Variants in SGCZ observed in about 807,000 individuals in gnomAD.
The protein encoded by SGCZ is sarcoglycan zeta.
SGCZ carries 40 observed loss-of-function variants against 41.3 expected under a neutral mutation model. The ratio of observed to expected loss-of-function variants is 0.97; its 90% CI spans 0.75 to 1.26. SGCZ has a LOEUF of 1.26. SGCZ is among the 50% of genes most tolerant of loss of function. The pLI is 0.00. For synonymous variants in SGCZ, 206 were observed against 137.5 expected, an observed-to-expected ratio of 1.50 and a Z score of -3.49; for missense variants, 552 against 369.8, an observed-to-expected ratio of 1.49 and a Z score of -4.04.
At chr8:14,488,455 G>T (rs1268777844) in intron 2 of SGCZ, among the ~76,000 whole-genome samples, 1 of 152,050 alleles carries the variant, frequency 6.6e-6, no homozygotes, top group African/African-American at 2.4e-5. Context: ...CCCTTCGCTT[G>T]TGCTTCCTAA....
chr8:14,251,308 G>C (rs762179828), intron 3 of SGCZ, among the ~76,000 whole-genome samples: 1 of 152,102 alleles, frequency 6.6e-6, no homozygotes, highest in Non-Finnish European at 1.5e-5. Context: ...TTTTCTCTCA[G>C]GGATAATTAA....
chr8:14,856,781 G>C (rs895609287), intron 1 of SGCZ, among the ~76,000 whole-genome samples: 3 of 152,160 alleles, frequency 2.0e-5, no homozygotes, highest in African/African-American at 7.2e-5. Context: ...GGTTTACGCA[G>C]ACAGTCAACA....
chr8:15,236,553 A>G (rs1253761602), intron 1 of SGCZ, among the ~76,000 whole-genome samples: 2 of 152,158 alleles, frequency 1.3e-5, no homozygotes, highest in African/African-American at 2.4e-5. Flanking sequence ...GATTTCAATA[A>G]AAGAGGTGCT....
intron 2 of SGCZ, among the ~76,000 whole-genome samples, chr8:14,352,864 C>T (rs1192838129): frequency 6.6e-6 from 1 of 152,042 alleles, no homozygotes; most frequent in African/African-American, 2.4e-5. Flanking sequence ...CCTAAACAGC[C>T]TTAATTTTAA....
At chr8:14,970,413 T>G (rs1207715524) in intron 1 of SGCZ, among the ~76,000 whole-genome samples, 2 of 152,128 alleles carry the variant, frequency 1.3e-5, no homozygotes, top group African/African-American at 4.8e-5. Context: ...GGCACAGAAG[T>G]TTTTTTCCTT....
At chr8:14,796,673 G>C (rs1265904256) in intron 1 of SGCZ, among the ~76,000 whole-genome samples, 1 of 152,140 alleles carries the variant, frequency 6.6e-6, no homozygotes, top group East Asian at 1.9e-4. Flanking sequence ...AAGACTCTTA[G>C]TAAACATCAA....
chr8:15,137,324 C>G (rs888687221), intron 1 of SGCZ, among the ~76,000 whole-genome samples: 1 of 152,102 alleles, frequency 6.6e-6, no homozygotes, highest in East Asian at 1.9e-4. Flanking sequence ...AAATTTGCAG[C>G]CTGACAATGC....
At chr8:14,157,333 C>T (rs1452809361) in intron 5 of SGCZ, among the ~76,000 whole-genome samples, 2 of 106,742 alleles carry the variant, frequency 1.9e-5, no homozygotes, top group Non-Finnish European at 2.0e-5. Context: ...CATATATATG[C>T]CTCTGTGTGT....
At chr8:14,900,740 A>C (rs1474520088) in intron 1 of SGCZ, among the ~76,000 whole-genome samples, 1 of 152,188 alleles carries the variant, frequency 6.6e-6, no homozygotes, top group Admixed American at 6.5e-5. Flanking sequence ...TTATTATTGA[A>C]GTCAGATAAA....
At chr8:15,076,404 T>C (rs73665381) in intron 1 of SGCZ, among the ~76,000 whole-genome samples, 6,061 of 152,144 alleles carry the variant, frequency 0.04, 381 homozygotes, top group African/African-American at 0.13. Context: ...AAAACTGTGA[T>C]TGCAGAAAGA....
chr8:15,049,513 T>G (rs1223603531), intron 1 of SGCZ, among the ~76,000 whole-genome samples: 4 of 152,126 alleles, frequency 2.6e-5, no homozygotes, highest in Non-Finnish European at 5.9e-5. Flanking sequence ...TCTACATTTT[T>G]AAAAGATTGC....
chr8:14,667,956 G>T (rs1563190138), intron 1 of SGCZ, among the ~76,000 whole-genome samples: 2 of 151,914 alleles, frequency 1.3e-5, no homozygotes, highest in Admixed American at 6.6e-5. Context: ...AGCAACCTGG[G>T]TTATTTATTT....
chr8:15,121,417 A>T (rs961954700), intron 1 of SGCZ, among the ~76,000 whole-genome samples: 2 of 152,184 alleles, frequency 1.3e-5, no homozygotes, highest in Non-Finnish European at 2.9e-5. Flanking sequence ...AAGGCTACAA[A>T]ATGTGTCATA....
chr8:14,693,445 C>G (rs1275050955), intron 1 of SGCZ, among the ~76,000 whole-genome samples: 2 of 151,916 alleles, frequency 1.3e-5, no homozygotes, highest in Non-Finnish European at 2.9e-5. Context: ...GCATGCACTA[C>G]CACATCCAGA....
At chr8:14,234,918 T>C (rs1806701127) in intron 4 of SGCZ, among the ~76,000 whole-genome samples, 1 of 152,188 alleles carries the variant, frequency 6.6e-6, no homozygotes. Flanking sequence ...CCTTATCTAA[T>C]ATCACACAGA....
At chr8:14,704,430 A>T (rs1329745563) in intron 1 of SGCZ, among the ~76,000 whole-genome samples, 1 of 152,030 alleles carries the variant, frequency 6.6e-6, no homozygotes, top group East Asian at 1.9e-4. Flanking sequence ...TTAAATTTTG[A>T]TAAGTTTTTC....
At chr8:14,605,516 T>C (rs770578586) in intron 1 of SGCZ, among the ~76,000 whole-genome samples, 26 of 152,182 alleles carry the variant, frequency 1.7e-4, no homozygotes, top group Non-Finnish European at 3.2e-4. Flanking sequence ...CTTTTTCTAT[T>C]TTTTTGTACC....
At chr8:15,010,665 T>C (rs1448830272) in intron 1 of SGCZ, among the ~76,000 whole-genome samples, 1 of 152,188 alleles carries the variant, frequency 6.6e-6, no homozygotes, top group Non-Finnish European at 1.5e-5. Context: ...GTACTGTCAG[T>C]ACAGGAAGCC....
chr8:15,153,041 C>T (rs765975314), intron 1 of SGCZ, among the ~76,000 whole-genome samples: 7 of 152,040 alleles, frequency 4.6e-5, no homozygotes, highest in Non-Finnish European at 7.4e-5. Flanking sequence ...GCTCAATGGC[C>T]GTCAATAACT....
Sources: allele counts gnomAD v4.1 joint callset (sites outside exome capture counted in the v4.1 genomes callset), GRCh38; gene constraint gnomAD v4.1.1; transcripts MANE v1.5; gene names NCBI Gene and HGNC (gene_info 2026-07-23, HGNC 2026-07-21).